The following MBP variants were observed in gnomAD, a reference collection of about 807,000 sequenced individuals.
The protein encoded by MBP is Golli-MBP.
A neutral mutation model predicts 35.8 loss-of-function variants in MBP; 16 were observed. The observed-to-expected ratio is 0.45, with a 90% CI of 0.30 to 0.68. MBP has a LOEUF of 0.68. Ranked by LOEUF, MBP falls within the 30% of genes least tolerant of loss-of-function variation. The probability of loss-of-function intolerance (pLI) is 0.08; values close to 1 mark genes in which losing one functional copy is unlikely to be tolerated. For missense variants in MBP, 380 were observed against 404.7 expected (o/e 0.94, Z 0.52); for synonymous variants, 143 against 159.6 (o/e 0.90, Z 0.78).
At chr18:76,992,731 A>AG (rs1970012637) in intron 4 of MBP, among the ~76,000 whole-genome samples, 1 of 152,104 alleles carries the variant, frequency 6.6e-6, no homozygotes, top group Non-Finnish European at 1.5e-5. Context: ...CTGCAGCAGG[A>AG]GCCCTGTTAT....
intron 3 of MBP, among the ~76,000 whole-genome samples, chr18:77,024,143 C>T (rs776418928): frequency 6.6e-6 from 1 of 152,242 alleles, no homozygotes; most frequent in Non-Finnish European, 1.5e-5. Flanking sequence ...TGGTCTAAAG[C>T]AAGCTTGTCC....
intron 3 of MBP, among the ~76,000 whole-genome samples, chr18:77,053,457 G>C (rs139486660): frequency 1.3e-5 from 2 of 152,256 alleles, no homozygotes; most frequent in Admixed American, 6.5e-5. Context: ...AAGAACAAAA[G>C]CATCTCTCGA....
intron 2 of MBP, among the ~76,000 whole-genome samples, chr18:77,099,537 C>T (rs1256467827): frequency 6.6e-6 from 1 of 152,244 alleles, no homozygotes; most frequent in Non-Finnish European, 1.5e-5. Context: ...CCTGTGGCCA[C>T]GAGAAGACTG....
intron 4 of MBP, among the ~76,000 whole-genome samples, chr18:76,999,987 G>A (rs955007447): frequency 1.3e-5 from 2 of 152,138 alleles, no homozygotes. Context: ...TGGACACAGG[G>A]CCGCACCTTG....
chr18:76,989,774 C>T lies in MBP; in HGVS notation c.681+182G>A. On this transcript the variant is annotated intron_variant, in intron 5 of 8. Coordinates refer to ENST00000355994, the MANE Select transcript of MBP (RefSeq NM_001025101.2). The surrounding 1 kb of genome is among the most constrained non-coding windows in gnomAD (Gnocchi z 4.0). ...CGGTGCAATCCGTGGCAGATACAGTCGGGAAGCGCTTGCCTGGAACTCGCG... is the reference window on the plus strand; with the variant it reads ...CGGTGCAATCCGTGGCAGATACAGTTGGGAAGCGCTTGCCTGGAACTCGCG... 1 of 603,448 alleles carries T rather than the reference C, an allele frequency of 1.7e-6. No homozygotes were observed. Among genetic ancestry groups the T allele is most frequent in the Non-Finnish European group, 3.0e-6 (1 of 334,428 alleles). 37.4% of individuals were successfully genotyped at this position (603,448 alleles called of 1,614,324 possible). A position where few individuals can be genotyped will look rare whatever the true frequency, so the allele number is the denominator to read the frequency against.
intron 2 of MBP, among the ~76,000 whole-genome samples, chr18:77,084,949 G>A (rs964502760): frequency 1.1e-4 from 4 of 36,102 alleles, no homozygotes; most frequent in African/African-American, 3.1e-4. Context: ...ACATTAAGAA[G>A]GGGGAGGGGG....
intron 4 of MBP, among the ~76,000 whole-genome samples, chr18:77,002,082 C>T (rs897194249): frequency 1.3e-5 from 2 of 152,200 alleles, no homozygotes; most frequent in African/African-American, 2.4e-5. Flanking sequence ...GTGTTGATAA[C>T]ATCTGCCCCA....
chr18:77,126,594 T>C (rs982397020), intron 1 of MBP, among the ~76,000 whole-genome samples: 5 of 152,076 alleles, frequency 3.3e-5, no homozygotes, highest in African/African-American at 4.8e-5. Context: ...GAAATAAAAC[T>C]ATCCAATTTG....
intron 2 of MBP, among the ~76,000 whole-genome samples, chr18:77,077,824 T>C (rs907969598): frequency 6.6e-6 from 1 of 152,318 alleles, no homozygotes; most frequent in African/African-American, 2.4e-5. Flanking sequence ...TAAGGCACAT[T>C]ATAGAATCTA....
Position 76,988,123 on chromosome 18 carries a change from A to G in MBP, c.750+372T>C, listed in dbSNP as rs1969663843. 6.6e-7 allele frequency: 1 copy of G among 1,521,668 alleles called. No individual in the cohort carries two copies. The highest frequency in any genetic ancestry group is 8.8e-7 in the Non-Finnish European group (1 of 1,137,446). 94.3% of individuals were successfully genotyped at this position (1,521,668 alleles called of 1,614,324 possible). ...ACGGGCCAGCCAGTCCCACTTCCAC[A>G]TGCGGGTTCCTGGGGCTTCTCGCAC... On this transcript the variant is annotated intron_variant, in intron 7 of 8. Transcript: ENST00000355994. This position sits in a 1 kb window ranked among gnomAD's most constrained non-coding sequence, Gnocchi z 5.2.
intron 3 of MBP, among the ~76,000 whole-genome samples, chr18:77,033,221 G>C (rs1972605085): frequency 6.6e-6 from 1 of 151,994 alleles, no homozygotes; most frequent in African/African-American, 2.4e-5. Flanking sequence ...GCTTGCCTTG[G>C]CCTCCCAAAG....
At chr18:77,111,034 G>C (rs935729497) in intron 1 of MBP, among the ~76,000 whole-genome samples, 1 of 152,090 alleles carries the variant, frequency 6.6e-6, no homozygotes, top group Admixed American at 6.5e-5. Flanking sequence ...TGGCTGTATT[G>C]CCTCGTGGCT....
At chr18:77,014,577 A>G in intron 4 of MBP, 2 of 985,472 alleles carry the variant, frequency 2.0e-6, no homozygotes, top group Non-Finnish European at 2.4e-6. Flanking sequence ...ACAAATAAAA[A>G]TAAAAACAAA....
intron 4 of MBP, among the ~76,000 whole-genome samples, chr18:76,999,989 C>G (rs543817308): frequency 2.0e-5 from 3 of 152,158 alleles, no homozygotes; most frequent in East Asian, 3.9e-4. Context: ...GACACAGGGC[C>G]GCACCTTGTG....
intron 4 of MBP, among the ~76,000 whole-genome samples, chr18:77,000,162 T>C (rs598348): frequency 0.076 from 11,546 of 152,304 alleles, 484 homozygotes; most frequent in Middle Eastern, 0.16. Flanking sequence ...TATTTTCTAT[T>C]GTTTAGAAAA....
intron 4 of MBP, chr18:77,010,267 T>C: frequency 3.6e-6 from 1 of 274,100 alleles, no homozygotes; most frequent in Admixed American, 5.3e-5. Flanking sequence ...GAGTTCTTAA[T>C]ATGGCAGCAG....
chr18:77,023,432 C>T (rs2123522543), intron 3 of MBP, among the ~76,000 whole-genome samples: 1 of 152,268 alleles, frequency 6.6e-6, no homozygotes, highest in African/African-American at 2.4e-5. Context: ...TGACCACAAC[C>T]CCCCGCTTCC....
At chr18:77,064,867 A>G (rs1015304870) in intron 3 of MBP, among the ~76,000 whole-genome samples, 2 of 152,196 alleles carry the variant, frequency 1.3e-5, no homozygotes, top group African/African-American at 4.8e-5. Flanking sequence ...CCTTCGACCT[A>G]TAGTGAGTTC....
At chr18:77,092,318 A>AG (rs1472857231) in intron 2 of MBP, among the ~76,000 whole-genome samples, 1 of 152,192 alleles carries the variant, frequency 6.6e-6, no homozygotes, top group African/African-American at 2.4e-5. Context: ...CATCTGCAGA[A>AG]GGGCACTGAA....
Sources: allele counts gnomAD v4.1 joint callset (sites outside exome capture counted in the v4.1 genomes callset), GRCh38; gene constraint gnomAD v4.1.1; non-coding constraint Gnocchi (gnomAD v3.1); transcripts MANE v1.5; gene names NCBI Gene and HGNC (gene_info 2026-07-23, HGNC 2026-07-21).